NFATC3: variants seen among roughly 807,000 people sequenced by gnomAD.
NFATC3 encodes the protein nuclear factor of activated T cells 3, also known as nuclear factor of activated T-cells, cytoplasmic 3.
Under a neutral mutation model 98.6 loss-of-function variants are expected in NFATC3, and 46 were observed. The observed-to-expected ratio is 0.47, with a 90% CI of 0.37 to 0.60. NFATC3 has a LOEUF of 0.60. NFATC3 is among the 20% of genes least tolerant of loss of function. NFATC3 has a pLI of 0.00. For missense variants in NFATC3, 1,256 were observed against 1,295.5 expected, an observed-to-expected ratio of 0.97 and a Z score of 0.47; for synonymous variants, 512 against 472.2, an observed-to-expected ratio of 1.08 and a Z score of -1.09.
chr16:68,095,328 T>A (rs180802009), intron 1 of NFATC3, among the ~76,000 whole-genome samples: 5 of 150,204 alleles, frequency 3.3e-5, no homozygotes, highest in Non-Finnish European at 7.4e-5. Context: ...ATTACAGGTG[T>A]GCACCACATG....
Position 68,171,381 on chromosome 16 carries a change from A to G in NFATC3, c.1775-2993A>G, listed in dbSNP as rs528776244. Among the ~76,000 whole-genome samples the G allele has an allele frequency of 3.8e-4, 58 of 152,114 alleles. 2 individuals are homozygous for G. The South Asian group carries it at 0.011, about 29-fold the overall frequency. The stretch of plus-strand genomic sequence containing the variant: ...TTTTCCGGACCCTTCTCTATGTCCT[A>G]TTTAGAACAGTAGAGACATGAGTAT... On this transcript the variant is annotated intron_variant, in intron 5 of 9. Transcript: ENST00000346183.
chr16:68,164,368 G>C (rs1192843812), intron 4 of NFATC3, among the ~76,000 whole-genome samples: 1 of 152,178 alleles, frequency 6.6e-6, no homozygotes, highest in Non-Finnish European at 1.5e-5. Flanking sequence ...CTCGGTATCA[G>C]AGGGAGACCG....
At position 68,122,332 on chromosome 16, in the gene NFATC3, A is replaced by G. The variant is rs1400267978; in HGVS notation, c.449A>G (p.Tyr150Cys). 7 of 1,614,168 alleles carry G rather than the reference A, an allele frequency of 4.3e-6. No individual in the cohort carries two copies. The highest frequency in any genetic ancestry group is 5.9e-6 in the Non-Finnish European group (7 of 1,180,012). ...GAAAGGCCTTCTAGAGATCATCTCT[A>G]TCTTCCTCTTGAGCCATCCTACCGG... ...FLERPSRDHLYLPLEPSYRES... is the reference protein window; with the variant it reads ...FLERPSRDHLCLPLEPSYRES... Residue 150 changes from tyrosine (Y) to cysteine (C), a missense_variant, in exon 2 of 10, where the codon TAT (tyrosine) becomes TGT (cysteine). This residue lies in a region of NFATC3 where 464 missense variants were observed against 465.7 expected (regional missense o/e 1.00). Coordinates refer to ENST00000346183, the MANE Select transcript of NFATC3 (RefSeq NM_173165.3).
chr16:68,143,998 A>G (rs1385124165), intron 3 of NFATC3, among the ~76,000 whole-genome samples: 1 of 152,228 alleles, frequency 6.6e-6, no homozygotes, highest in Non-Finnish European at 1.5e-5. Context: ...AAATTGATAA[A>G]TTGGATTTCA....
chr16:68,184,672 C>T (rs1302354302), intron 8 of NFATC3, among the ~76,000 whole-genome samples: 1 of 151,822 alleles, frequency 6.6e-6, no homozygotes, highest in Admixed American at 6.6e-5. Context: ...GGCGTGGTGG[C>T]GGGCGCCTGT....
chr16:68,226,261 G>A (rs761487228), intron 9 of NFATC3, 89 bp from the exon 10 acceptor site: 40 of 1,443,882 alleles, frequency 2.8e-5, no homozygotes, highest in Non-Finnish European at 3.2e-5. Flanking sequence ...CCATGGGAAG[G>A]GAAATGTCTG....
At chr16:68,105,428 TATATC>T (rs1256599945) in intron 1 of NFATC3, among the ~76,000 whole-genome samples, 1 of 152,124 alleles carries the variant, frequency 6.6e-6, no homozygotes, top group East Asian at 1.9e-4. Flanking sequence ...TATGGTATAT[TATATC>T]AGTTGATTTT....
At chr16:68,116,976 T>C (rs1444961060) in intron 1 of NFATC3, among the ~76,000 whole-genome samples, 1 of 152,236 alleles carries the variant, frequency 6.6e-6, no homozygotes, top group Non-Finnish European at 1.5e-5. Context: ...CCCTTTGAAC[T>C]GTTTGCTTGT....
chr16:68,221,954 C>T lies in NFATC3; in HGVS notation c.3107-4396C>T, dbSNP rs571361668. Among the ~76,000 whole-genome samples the T allele has an allele frequency of 1.6e-4, 24 of 152,028 alleles. No homozygotes were observed. The South Asian group carries it at 4.2e-3, about 26-fold the overall frequency. On this transcript the variant is annotated intron_variant, in intron 9 of 9. Transcript: ENST00000346183. ...GACAGTGCCAGATATGGACCCTCAT[C>T]GTCAGGAAAATAGAAGCATTGACTT...
intron 3 of NFATC3, among the ~76,000 whole-genome samples, chr16:68,135,445 G>C (rs1332837646): frequency 8.4e-6 from 1 of 118,578 alleles, no homozygotes; most frequent in East Asian, 2.5e-4. Context: ...GGGACACAGC[G>C]AGACTCCGTC....
chr16:68,164,129 C>T (rs187472675), intron 4 of NFATC3, among the ~76,000 whole-genome samples: 7 of 152,358 alleles, frequency 4.6e-5, no homozygotes, highest in African/African-American at 1.7e-4. Flanking sequence ...ACTGAGTGAA[C>T]CAGACTCCGT....
intron 1 of NFATC3, among the ~76,000 whole-genome samples, chr16:68,099,633 A>AT (rs1172825109): frequency 4.3e-4 from 65 of 151,362 alleles, no homozygotes; most frequent in African/African-American, 1.5e-3. Context: ...AATAATAATA[A>AT]AAAATATAGA....
chr16:68,118,781 T>G, intron 1 of NFATC3, among the ~76,000 whole-genome samples: 1 of 152,200 alleles, frequency 6.6e-6, no homozygotes, highest in Non-Finnish European at 1.5e-5. Context: ...AAGTAGAAGT[T>G]TTGGTTTCTT....
intron 6 of NFATC3, among the ~76,000 whole-genome samples, chr16:68,180,351 C>A (rs1394355025): frequency 6.6e-6 from 1 of 152,052 alleles, no homozygotes; most frequent in Non-Finnish European, 1.5e-5. Flanking sequence ...TTTCATTTAT[C>A]ACGAGGAGCT....
chr16:68,087,459 T>G (rs1423701739), intron 1 of NFATC3, among the ~76,000 whole-genome samples: 1 of 152,222 alleles, frequency 6.6e-6, no homozygotes, highest in Non-Finnish European at 1.5e-5. Context: ...GATTTATAAC[T>G]GAAATTTCAA....
intron 3 of NFATC3, among the ~76,000 whole-genome samples, chr16:68,131,730 G>A (rs1272859266): frequency 6.7e-6 from 1 of 149,494 alleles, no homozygotes. Flanking sequence ...TCAAGCATTC[G>A]TCTTGCCTCA....
chr16:68,122,983 C>G lies in NFATC3; in HGVS notation c.1100C>G (p.Pro367Arg). The G allele has an allele frequency of 6.2e-7, 1 of 1,614,136 alleles. No homozygotes were observed. The highest frequency in any genetic ancestry group is 8.5e-7 in the Non-Finnish European group (1 of 1,180,042). The stretch of plus-strand genomic sequence containing the variant: ...TCAGATGACCAAGGGAGTTTATCAC[C>G]AGCCCGGGAGACTTCAATAGATGAT... ...LCSDDQGSLSPARETSIDDGL... is the reference protein window; with the variant it reads ...LCSDDQGSLSRARETSIDDGL... Residue 367 changes from proline to arginine, a missense_variant, in exon 2 of 10, where the codon CCA (proline) becomes CGA (arginine). By Grantham distance (103) the Pro-to-Arg change is moderately radical (BLOSUM62 -2). Coordinates refer to ENST00000346183, the MANE Select transcript of NFATC3 (RefSeq NM_173165.3).
intron 3 of NFATC3, among the ~76,000 whole-genome samples, chr16:68,132,371 C>T (rs112421232): frequency 2.2e-3 from 334 of 152,284 alleles, no homozygotes; most frequent in Non-Finnish European, 3.9e-3. Context: ...CACATACTTT[C>T]ATCCATCAGG....
intron 8 of NFATC3, among the ~76,000 whole-genome samples, chr16:68,189,765 T>C (rs1456770322): frequency 6.6e-6 from 1 of 152,190 alleles, no homozygotes; most frequent in Non-Finnish European, 1.5e-5. Context: ...TTTGATGTTA[T>C]TATAAATGAA....
Sources: gnomAD v4.1 joint callset for allele counts (sites outside exome capture counted in the v4.1 genomes callset) on GRCh38, gnomAD v4.1.1 for gene constraint, gnomAD v4.1.1 regional missense constraint, MANE v1.5 for transcripts, NCBI Gene and HGNC (gene_info 2026-07-23, HGNC 2026-07-21) for gene names.